The following CDH3 variants were observed in gnomAD, a reference collection of about 807,000 sequenced individuals.
The protein encoded by CDH3 is cadherin-3.
A neutral mutation model predicts 82.0 loss-of-function variants in CDH3; 54 were observed. The ratio of observed to expected loss-of-function variants is 0.66; its 90% CI spans 0.53 to 0.83. CDH3 has a LOEUF of 0.83. Among genes scored for constraint, CDH3 ranks in the 40% least tolerant of loss-of-function variants. CDH3 has a pLI of 0.00. For missense variants in CDH3, 1,054 were observed against 1,084.6 expected, an observed-to-expected ratio of 0.97 and a Z score of 0.40; for synonymous variants, 446 against 437.9, an observed-to-expected ratio of 1.02 and a Z score of -0.23.
chr16:68,664,172 T>C (rs1458456325), intron 2 of CDH3, among the ~76,000 whole-genome samples: 1 of 152,138 alleles, frequency 6.6e-6, no homozygotes, highest in Non-Finnish European at 1.5e-5. Flanking sequence ...GTACATGATA[T>C]GCTATTCCCT....
chr16:68,691,637 C>T (rs982573319), intron 12 of CDH3, 83 bp from the exon 13 acceptor site: 15 of 1,036,630 alleles, frequency 1.4e-5, no homozygotes, highest in African/African-American at 1.3e-4. Flanking sequence ...ATGTGGAAGC[C>T]GTATTCTCAA....
At chr16:68,682,207 A>G in intron 8 of CDH3, 95 bp from the exon 9 acceptor site, 1 of 1,374,282 alleles carries the variant, frequency 7.3e-7, no homozygotes. Context: ...GGGTAAAGGC[A>G]TGGGGATCCC....
chr16:68,659,640 C>A (rs1206700415), intron 2 of CDH3, among the ~76,000 whole-genome samples: 2 of 150,458 alleles, frequency 1.3e-5, no homozygotes, highest in Admixed American at 6.6e-5. Flanking sequence ...GCCAAGATCA[C>A]ACCACTGTAC....
intron 1 of CDH3, among the ~76,000 whole-genome samples, chr16:68,716,888 T>G (rs2152110755): frequency 6.6e-6 from 1 of 150,466 alleles, no homozygotes; most frequent in Non-Finnish European, 1.5e-5. Context: ...CATGCCCAGA[T>G]TTTTTTCTTT....
chr16:68,671,584 C>T (rs970534078), intron 2 of CDH3, among the ~76,000 whole-genome samples: 10 of 135,636 alleles, frequency 7.4e-5, no homozygotes, highest in African/African-American at 1.7e-4. Context: ...TGAGGTGGTG[C>T]GATCTCGGCT....
chr16:68,685,442 C>G (rs1961384106), intron 11 of CDH3, 92 bp downstream of exon 11: 1 of 1,413,072 alleles, frequency 7.1e-7, no homozygotes, highest in South Asian at 1.2e-5. Flanking sequence ...CAGGTGGGAA[C>G]ATGTGTCGAG....
chr16:68,710,887 GAA>G (rs1201982886), intron 1 of CDH3, among the ~76,000 whole-genome samples: 4 of 144,186 alleles, frequency 2.8e-5, no homozygotes, highest in African/African-American at 1.0e-4. Context: ...GAGAGAGAGA[GAA>G]AGAAGAAAAG....
intron 12 of CDH3, among the ~76,000 whole-genome samples, chr16:68,689,207 T>A (rs1338191081): frequency 6.6e-6 from 1 of 152,106 alleles, no homozygotes; most frequent in African/African-American, 2.4e-5. Flanking sequence ...CTTAAAGCAA[T>A]GGTGAGGATC....
Position 68,655,287 on chromosome 16 carries a change from T to C in CDH3, c.160+9537T>C, listed in dbSNP as rs143490536. Among the ~76,000 whole-genome samples, 1,197 of 152,192 alleles carry C rather than the reference T, an allele frequency of 7.9e-3. 21 individuals carry two copies. Among genetic ancestry groups the C allele is most frequent in the African/African-American group, 0.027 (1,138 of 41,512 alleles). Reference sequence around the variant, plus strand: ...TATAGAAACAGTGAAGTGTCTGAGATCCAAAGCCAATTTGAAATGGTCATT... The same window carrying C: ...TATAGAAACAGTGAAGTGTCTGAGACCCAAAGCCAATTTGAAATGGTCATT... On this transcript the variant is annotated intron_variant, in intron 2 of 15. Transcript: ENST00000264012.
chr16:68,680,949 C>T lies in CDH3; in HGVS notation c.868-19C>T. 1 of 1,613,934 alleles carries T rather than the reference C, an allele frequency of 6.2e-7. No individual in the cohort carries two copies. Among genetic ancestry groups the T allele is most frequent in the Non-Finnish European group, 8.5e-7 (1 of 1,179,888 alleles). On this transcript the variant is annotated intron_variant, in intron 7 of 15. Coordinates refer to ENST00000264012, the MANE Select transcript of CDH3 (RefSeq NM_001793.6). ...TCAGATTAAACTCACAATGGGCTTC[C>T]CCTCTCCTTTCTCCCCAGAAAGTCC...
At chr16:68,727,852 T>C (rs2152112007), downstream of CDH3, among the ~76,000 whole-genome samples, 1 of 152,040 alleles carries the variant, frequency 6.6e-6, no homozygotes, top group East Asian at 1.9e-4. Flanking sequence ...GAGGTTGCAA[T>C]GAGCCGAGAT....
intron 2 of CDH3, among the ~76,000 whole-genome samples, chr16:68,656,850 C>T (rs201292000): frequency 1.1e-4 from 16 of 152,176 alleles, no homozygotes; most frequent in Non-Finnish European, 2.1e-4. Context: ...GGCACTTCTG[C>T]CCAGGACCTC....
chr16:68,650,703 G>C (rs1312652253), intron 2 of CDH3, among the ~76,000 whole-genome samples: 2 of 152,040 alleles, frequency 1.3e-5, no homozygotes, highest in African/African-American at 4.8e-5. Flanking sequence ...AAACCTTCGG[G>C]GACCAGTTCC....
downstream of CDH3, among the ~76,000 whole-genome samples, chr16:68,731,020 CAAAAAAAAAAAAAAAA>C (rs1168041237): frequency 2.9e-5 from 1 of 34,916 alleles, no homozygotes; most frequent in Non-Finnish European, 4.2e-5. Flanking sequence ...AACTCCGTCT[CAAAAAAAAAAAAAAAA>C]AAAAAAAAAA....
At chr16:68,667,675 C>G (rs1440436430) in intron 2 of CDH3, among the ~76,000 whole-genome samples, 2 of 152,144 alleles carry the variant, frequency 1.3e-5, no homozygotes, top group African/African-American at 4.8e-5. Context: ...TCTTATAAGT[C>G]TATTTAAAAA....
At chr16:68,658,062 CTTTTTTTTTT>C (rs113679101) in intron 2 of CDH3, among the ~76,000 whole-genome samples, 6 of 126,146 alleles carry the variant, frequency 4.8e-5, no homozygotes, top group African/African-American at 1.7e-4. Flanking sequence ...CTTTTTCTTT[CTTTTTTTTTT>C]TTTTTTTTTT....
intron 7 of CDH3, among the ~76,000 whole-genome samples, 164 bp from the exon 8 acceptor site, chr16:68,680,804 C>T (rs1254019295): frequency 6.6e-6 from 1 of 152,232 alleles, no homozygotes; most frequent in Admixed American, 6.5e-5. Context: ...TCCTCTGCTT[C>T]TGTTCTCCTG....
At chr16:68,697,797 G>A (rs1961774133) in intron 15 of CDH3, among the ~76,000 whole-genome samples, 1 of 152,060 alleles carries the variant, frequency 6.6e-6, no homozygotes. Flanking sequence ...ACTATACGGA[G>A]GCACATGTCC....
At chr16:68,654,288 T>G in intron 2 of CDH3, among the ~76,000 whole-genome samples, 1 of 150,024 alleles carries the variant, frequency 6.7e-6, no homozygotes, top group Non-Finnish European at 1.5e-5. Context: ...CTCGATCTTC[T>G]GACCTTGTGA....
Sources: gnomAD v4.1 joint callset for allele counts (sites outside exome capture counted in the v4.1 genomes callset) on GRCh38, gnomAD v4.1.1 for gene constraint, MANE v1.5 for transcripts, NCBI Gene and HGNC (gene_info 2026-07-23, HGNC 2026-07-21) for gene names.